The following OR1F1 variants were observed in gnomAD, a reference collection of about 807,000 sequenced individuals.
OR1F1 encodes olfactory receptor family 1 subfamily F member 1.
For synonymous variants in OR1F1, 184 were observed against 156.7 expected (o/e 1.17, Z -1.30); for missense variants, 493 against 376.3 (o/e 1.31, Z -2.57).
chr16:3,193,961 G>A, the OR1F1 span, among the ~76,000 whole-genome samples: 19 of 152,272 alleles, frequency 1.2e-4, no homozygotes, highest in South Asian at 3.9e-3. Flanking sequence ...CCTAAGCCAG[G>A]GATTGTGGGT....
upstream of OR1F1, among the ~76,000 whole-genome samples, chr16:3,203,044 G>T (rs1377806636): frequency 6.6e-6 from 1 of 152,166 alleles, no homozygotes; most frequent in South Asian, 2.1e-4. Flanking sequence ...ATACAGGGTC[G>T]TGAGTTTCCT....
the OR1F1 span, among the ~76,000 whole-genome samples, chr16:3,190,807 C>T: frequency 6.9e-6 from 1 of 145,394 alleles, no homozygotes; most frequent in African/African-American, 2.5e-5. Context: ...AAGTCATCAA[C>T]AGTAGGCAAC....
upstream of OR1F1, among the ~76,000 whole-genome samples, chr16:3,200,338 G>A (rs1406909068): frequency 2.0e-5 from 3 of 152,168 alleles, no homozygotes; most frequent in Admixed American, 6.5e-5. Context: ...GGCTGGGCAT[G>A]GTGGCGCATG....
upstream of OR1F1, chr16:3,204,158 G>A (rs1958170568): frequency 2.2e-6 from 2 of 928,742 alleles, no homozygotes; most frequent in Non-Finnish European, 3.2e-6. Context: ...AAATTCTACT[G>A]CCATTCCTGT....
At chr16:3,204,784 G>C (rs746066317) in exon 1 of OR1F1, 70 of 1,613,920 alleles carry the variant, frequency 4.3e-5, no homozygotes, top group Non-Finnish European at 5.8e-5. Flanking sequence ...CTTCTTCTGC[G>C]ATGTGACTCC....
upstream of OR1F1, among the ~76,000 whole-genome samples, chr16:3,201,307 C>T (rs187043232): frequency 5.3e-4 from 81 of 152,244 alleles, no homozygotes; most frequent in African/African-American, 1.9e-3. Flanking sequence ...GTTTGAGTCC[C>T]TGTTTTCAAT....
At chr16:3,203,964 C>G (rs866710518), upstream of OR1F1, among the ~76,000 whole-genome samples, 1 of 152,248 alleles carries the variant, frequency 6.6e-6, no homozygotes, top group East Asian at 1.9e-4. Flanking sequence ...GTGGGGAACA[C>G]AAACTGACTG....
the OR1F1 span, among the ~76,000 whole-genome samples, chr16:3,196,615 T>C: frequency 6.6e-6 from 1 of 151,886 alleles, no homozygotes; most frequent in African/African-American, 2.4e-5. Context: ...CTTGAACTCC[T>C]GGGCTCAAGA....
At chr16:3,191,662 T>C in the OR1F1 span, among the ~76,000 whole-genome samples, 2 of 152,102 alleles carry the variant, frequency 1.3e-5, no homozygotes, top group Admixed American at 6.6e-5. Flanking sequence ...TCTGTGATGG[T>C]ATCCCCTCAA....
the OR1F1 span, among the ~76,000 whole-genome samples, chr16:3,195,888 C>T: frequency 6.6e-6 from 1 of 152,172 alleles, no homozygotes; most frequent in African/African-American, 2.4e-5. Context: ...GGACTGAGAA[C>T]ATAGGGTGGG....
At chr16:3,201,273 A>G (rs1252341730), upstream of OR1F1, among the ~76,000 whole-genome samples, 1 of 152,242 alleles carries the variant, frequency 6.6e-6, no homozygotes, top group Non-Finnish European at 1.5e-5. Flanking sequence ...TGACTAATGT[A>G]CAATAATTGT....
chr16:3,206,492 T>G (rs994246403), downstream of OR1F1, among the ~76,000 whole-genome samples: 4 of 152,198 alleles, frequency 2.6e-5, no homozygotes, highest in African/African-American at 9.7e-5. Context: ...AAAAACCTCC[T>G]GGTTTTGCGG....
chr16:3,195,376 C>G, the OR1F1 span, among the ~76,000 whole-genome samples: 1 of 151,284 alleles, frequency 6.6e-6, no homozygotes, highest in South Asian at 2.1e-4. Context: ...AAACGACGCA[C>G]TAGCTTCAAA....
the OR1F1 span, among the ~76,000 whole-genome samples, chr16:3,193,286 T>G: frequency 6.6e-6 from 1 of 152,146 alleles, no homozygotes; most frequent in Non-Finnish European, 1.5e-5. Context: ...TTAAACACAG[T>G]GGGGCTGTCA....
At chr16:3,193,183 C>G in the OR1F1 span, among the ~76,000 whole-genome samples, 10 of 152,286 alleles carry the variant, frequency 6.6e-5, no homozygotes, top group South Asian at 1.2e-3. Context: ...GCCTTGGCCT[C>G]CCAAAGTGCT....
At chr16:3,205,552 G>C (rs148569761), downstream of OR1F1, among the ~76,000 whole-genome samples, 1 of 151,866 alleles carries the variant, frequency 6.6e-6, no homozygotes, top group African/African-American at 2.4e-5. Flanking sequence ...GGAAGTCAGG[G>C]ACCCTGAACA....
chr16:3,191,528 G>A, the OR1F1 span, among the ~76,000 whole-genome samples: 2 of 152,190 alleles, frequency 1.3e-5, no homozygotes, highest in East Asian at 1.9e-4. Context: ...GGTAGAGCAT[G>A]GGACTCTTAA....
the OR1F1 span, among the ~76,000 whole-genome samples, chr16:3,195,590 G>C: frequency 6.7e-6 from 1 of 150,098 alleles, no homozygotes; most frequent in East Asian, 2.0e-4. Flanking sequence ...GCTGAGGCAA[G>C]AGAATCGCTG....
the OR1F1 span, among the ~76,000 whole-genome samples, chr16:3,196,497 C>G: frequency 6.6e-6 from 1 of 151,914 alleles, no homozygotes; most frequent in East Asian, 1.9e-4. Flanking sequence ...TATCTTCCCA[C>G]CTCAGCCTCC....
Sources: allele counts gnomAD v4.1 joint callset (sites outside exome capture counted in the v4.1 genomes callset), GRCh38; gene constraint gnomAD v4.1.1; transcripts MANE v1.5; gene names NCBI Gene and HGNC (gene_info 2026-07-23, HGNC 2026-07-21).